PALM2AKAP2: variants seen among roughly 807,000 people sequenced by gnomAD.
The protein encoded by PALM2AKAP2 is PALM2-AKAP2 fusion protein.
A neutral mutation model predicts 71.5 loss-of-function variants in PALM2AKAP2; 37 were observed. The observed-to-expected ratio is 0.52, with a 90% CI of 0.40 to 0.68. The LOEUF is 0.68. Ranked by LOEUF, PALM2AKAP2 falls within the 30% of genes least tolerant of loss-of-function variation. PALM2AKAP2 has a pLI of 0.00. For missense variants in PALM2AKAP2, 1,224 were observed against 1,191.8 expected (o/e 1.03, Z -0.40); for synonymous variants, 468 against 478.8 (o/e 0.98, Z 0.29).
chr9:110,138,773 C>T (rs1164617544), intron 2 of PALM2AKAP2, among the ~76,000 whole-genome samples: 2 of 152,208 alleles, frequency 1.3e-5, no homozygotes, highest in African/African-American at 4.8e-5. Flanking sequence ...TGCAATAGCT[C>T]CTTCTTTGTT....
At chr9:109,790,239 C>A (rs750027644) in intron 1 of PALM2AKAP2, among the ~76,000 whole-genome samples, 1 of 151,966 alleles carries the variant, frequency 6.6e-6, no homozygotes, top group Non-Finnish European at 1.5e-5. Flanking sequence ...GACAGCTTTG[C>A]AATACCAAAT....
At chr9:109,745,352 A>G (rs1233401827) in intron 1 of PALM2AKAP2, among the ~76,000 whole-genome samples, 3 of 152,140 alleles carry the variant, frequency 2.0e-5, no homozygotes, top group African/African-American at 7.2e-5. Context: ...ACTCTGTCTC[A>G]AAAATAAAAA....
intron 6 of PALM2AKAP2, among the ~76,000 whole-genome samples, chr9:109,989,185 C>T (rs939984067): frequency 1.4e-4 from 22 of 152,262 alleles, no homozygotes; most frequent in East Asian, 1.3e-3. Context: ...GAATCTGGAG[C>T]GAAAAGGACA....
At chr9:109,948,214 C>T (rs1037720508) in intron 6 of PALM2AKAP2, among the ~76,000 whole-genome samples, 5 of 151,342 alleles carry the variant, frequency 3.3e-5, no homozygotes, top group African/African-American at 1.2e-4. Context: ...TAGTAAAATT[C>T]CCATTTCAAC....
chr9:109,770,750 G>A (rs1829247882), intron 1 of PALM2AKAP2, among the ~76,000 whole-genome samples: 1 of 152,200 alleles, frequency 6.6e-6, no homozygotes, highest in Non-Finnish European at 1.5e-5. Flanking sequence ...ACACAGGCAT[G>A]TAGAAACACA....
chr9:110,135,510 C>T (rs112295308), intron 1 of PALM2AKAP2, among the ~76,000 whole-genome samples: 2,314 of 152,054 alleles, frequency 0.015, 23 homozygotes, highest in East Asian at 0.026. Context: ...GTGCTGACTT[C>T]TTAACTAAAG....
At chr9:109,960,081 C>A (rs934853794) in intron 6 of PALM2AKAP2, among the ~76,000 whole-genome samples, 2 of 152,164 alleles carry the variant, frequency 1.3e-5, no homozygotes, top group African/African-American at 4.8e-5. Flanking sequence ...CACTGATTCC[C>A]AACATAAATT....
intron 1 of PALM2AKAP2, among the ~76,000 whole-genome samples, chr9:110,132,137 C>G (rs956179567): frequency 6.6e-6 from 1 of 151,844 alleles, no homozygotes; most frequent in Non-Finnish European, 1.5e-5. Context: ...CTGCAACTTC[C>G]TCCTCCCAGG....
At chr9:109,640,986 C>G in intron 1 of PALM2AKAP2, 1 of 1,336,730 alleles carries the variant, frequency 7.5e-7, no homozygotes, top group Non-Finnish European at 9.8e-7. Context: ...ATTTCAGCCC[C>G]GTGTGTACGC....
chr9:109,761,698 T>A (rs1829055640), intron 1 of PALM2AKAP2, among the ~76,000 whole-genome samples: 2 of 152,232 alleles, frequency 1.3e-5, no homozygotes, highest in Admixed American at 1.3e-4. Context: ...GCAAAGGACA[T>A]GAACTCATTC....
At chr9:110,035,906 T>C (rs1833400217) in intron 7 of PALM2AKAP2, among the ~76,000 whole-genome samples, 1 of 150,494 alleles carries the variant, frequency 6.6e-6, no homozygotes, top group Non-Finnish European at 1.5e-5. Flanking sequence ...ATATATAACA[T>C]ATATATGATA....
intron 1 of PALM2AKAP2, among the ~76,000 whole-genome samples, chr9:110,124,222 A>AG (rs772599636): frequency 6.6e-6 from 1 of 152,160 alleles, no homozygotes; most frequent in Non-Finnish European, 1.5e-5. Context: ...GGAGGGTCCC[A>AG]GGAGGACTGC....
intron 1 of PALM2AKAP2, among the ~76,000 whole-genome samples, chr9:109,679,789 C>T (rs915250322): frequency 1.3e-5 from 2 of 152,150 alleles, no homozygotes; most frequent in South Asian, 2.1e-4. Context: ...AGAAACTTCT[C>T]TGGTTGATTA....
chr9:110,123,937 A>C lies in PALM2AKAP2; in HGVS notation c.157-12190A>C, dbSNP rs116588968. Among the ~76,000 whole-genome samples, 1,288 of 152,326 alleles carry C rather than the reference A, an allele frequency of 8.5e-3. 16 individuals carry two copies. Among genetic ancestry groups the C allele is most frequent in the African/African-American group, 0.029 (1,219 of 41,564 alleles). ...TTCAGATGACTAAGTAGCATCTTGAAGTGCCTTTGGCTACACAACAGAACA... is the reference window on the plus strand; with the variant it reads ...TTCAGATGACTAAGTAGCATCTTGACGTGCCTTTGGCTACACAACAGAACA... On this transcript the variant is annotated intron_variant, in intron 1 of 3. Coordinates refer to ENST00000374525, the Ensembl canonical transcript of PALM2AKAP2.
rs1832973982 is a variant in PALM2AKAP2 at position 110,015,996 on chromosome 9, C to T, written c.539C>T (p.Ala180Val). 1.2e-6 allele frequency: 2 copies of T among 1,613,934 alleles called. No individual in the cohort carries two copies. Among genetic ancestry groups the T allele is most frequent in the Non-Finnish European group, 8.5e-7 (1 of 1,179,950 alleles). Residue 180 changes from alanine to valine, a missense_variant, in exon 7 of 10, where the codon GCC (alanine) becomes GTC (valine). Coordinates refer to the PALM2AKAP2 transcript ENST00000302798. ...GTGCTGCTAAAGGAAGGTGAGTCAGCCTCGAACGCCACAGAAACATCCGGC... is the reference window on the plus strand; with the variant it reads ...GTGCTGCTAAAGGAAGGTGAGTCAGTCTCGAACGCCACAGAAACATCCGGC...
At chr9:109,858,013 C>CGTGCTAGGTAGAACGAAG (rs1829213672) in intron 1 of PALM2AKAP2, among the ~76,000 whole-genome samples, 1 of 152,208 alleles carries the variant, frequency 6.6e-6, no homozygotes, top group Non-Finnish European at 1.5e-5. Context: ...CCAAAAACTT[C>CGTGCTAGGTAGAACGAAG]GTGCTAGGTA....
At chr9:110,016,123 G>C (rs1419593186) in intron 7 of PALM2AKAP2, 84 bp downstream of exon 7, 1 of 1,285,892 alleles carries the variant, frequency 7.8e-7, no homozygotes, top group Non-Finnish European at 1.1e-6. Context: ...GGGGCAAAAT[G>C]AACACTACCA....
intron 1 of PALM2AKAP2, among the ~76,000 whole-genome samples, chr9:109,752,061 A>G (rs1828894058): frequency 6.6e-6 from 1 of 152,154 alleles, no homozygotes; most frequent in Non-Finnish European, 1.5e-5. Flanking sequence ...TTATTCAAAA[A>G]ACATTTATTG....
chr9:109,785,496 C>T (rs1203220491), intron 1 of PALM2AKAP2, among the ~76,000 whole-genome samples: 1 of 152,152 alleles, frequency 6.6e-6, no homozygotes, highest in Non-Finnish European at 1.5e-5. Context: ...TAAAGACATA[C>T]CCGAGACTGG....
Sources: allele counts gnomAD v4.1 joint callset (sites outside exome capture counted in the v4.1 genomes callset), GRCh38; gene constraint gnomAD v4.1.1; transcripts MANE v1.5; gene names NCBI Gene and HGNC (gene_info 2026-07-23, HGNC 2026-07-21).